IQSEC1: variants seen among roughly 807,000 people sequenced by gnomAD.
IQSEC1 encodes IQ motif and SEC7 domain-containing protein 1.
Under a neutral mutation model 91.0 loss-of-function variants are expected in IQSEC1, and 31 were observed. The observed-to-expected ratio is 0.34, with a 90% CI of 0.26 to 0.46. The LOEUF is 0.46. IQSEC1 is among the 20% of genes least tolerant of loss of function. The probability of loss-of-function intolerance (pLI) is 1.00; values close to 1 mark genes in which losing one functional copy is unlikely to be tolerated. For synonymous variants in IQSEC1, 699 were observed against 662.6 expected, an observed-to-expected ratio of 1.05 and a Z score of -0.84; for missense variants, 1,388 against 1,575.6, an observed-to-expected ratio of 0.88 and a Z score of 2.02.
chr3:13,146,279 G>A (rs982980279), intron 2 of IQSEC1, among the ~76,000 whole-genome samples: 6 of 152,040 alleles, frequency 3.9e-5, no homozygotes, highest in Admixed American at 2.0e-4. Context: ...GAGCCACCGC[G>A]TCTGGCCAGT....
intron 1 of IQSEC1, among the ~76,000 whole-genome samples, chr3:13,180,779 C>T (rs920696970): frequency 6.8e-6 from 1 of 146,746 alleles, no homozygotes; most frequent in Non-Finnish European, 1.5e-5. Flanking sequence ...TAACACTCAT[C>T]GCAAAGGTCT....
intron 1 of IQSEC1, among the ~76,000 whole-genome samples, chr3:13,043,083 T>C (rs1053479748): frequency 2.6e-5 from 4 of 152,068 alleles, no homozygotes; most frequent in African/African-American, 9.7e-5. Context: ...GGGGACACAT[T>C]GATAAAATCT....
At chr3:13,112,285 G>A (rs1706259534) in intron 2 of IQSEC1, among the ~76,000 whole-genome samples, 1 of 152,210 alleles carries the variant, frequency 6.6e-6, no homozygotes, top group Non-Finnish European at 1.5e-5. Context: ...CAGTGGACAG[G>A]GCAGCAAGCG....
intron 1 of IQSEC1, among the ~76,000 whole-genome samples, chr3:13,049,026 T>C (rs1704595797): frequency 6.6e-6 from 1 of 152,180 alleles, no homozygotes. Context: ...CTTCCTGGAC[T>C]GGTCACAGTC....
chr3:13,151,374 A>G (rs569409277), intron 2 of IQSEC1, among the ~76,000 whole-genome samples: 1 of 152,304 alleles, frequency 6.6e-6, no homozygotes, highest in Admixed American at 6.5e-5. Context: ...TGAGTGATTC[A>G]TCATTCAGGG....
intron 1 of IQSEC1, among the ~76,000 whole-genome samples, chr3:13,252,944 G>T (rs1336562373): frequency 6.6e-6 from 1 of 152,180 alleles, no homozygotes; most frequent in Non-Finnish European, 1.5e-5. Context: ...TTGTTAGCCA[G>T]GATGGTCTCG....
chr3:12,955,673 G>C (rs1699856300), intron 1 of IQSEC1, among the ~76,000 whole-genome samples: 1 of 152,244 alleles, frequency 6.6e-6, no homozygotes, highest in Non-Finnish European at 1.5e-5. Flanking sequence ...GCCAACCCCA[G>C]GACAGGCAGC....
At chr3:13,195,997 C>A (rs1694117484) in intron 1 of IQSEC1, among the ~76,000 whole-genome samples, 1 of 152,200 alleles carries the variant, frequency 6.6e-6, no homozygotes, top group Admixed American at 6.5e-5. Context: ...CTACAATGGT[C>A]TCTGAATAGA....
At chr3:13,066,614 G>A (rs1294318519) in intron 1 of IQSEC1, among the ~76,000 whole-genome samples, 1 of 152,228 alleles carries the variant, frequency 6.6e-6, no homozygotes, top group Non-Finnish European at 1.5e-5. Context: ...GTGGGATCGT[G>A]GGAGGCCAGG....
intron 1 of IQSEC1, among the ~76,000 whole-genome samples, chr3:13,164,154 G>A (rs1242584322): frequency 6.6e-6 from 1 of 152,186 alleles, no homozygotes; most frequent in Non-Finnish European, 1.5e-5. Context: ...AAGAGCACAC[G>A]CTTAGAGCCC....
At chr3:13,209,437 G>A (rs1183700088) in intron 1 of IQSEC1, among the ~76,000 whole-genome samples, 3 of 152,204 alleles carry the variant, frequency 2.0e-5, no homozygotes, top group Non-Finnish European at 2.9e-5. Context: ...CACAGCTGCA[G>A]AATCATTCCC....
intron 1 of IQSEC1, chr3:13,015,828 C>A: frequency 1.9e-6 from 1 of 533,332 alleles, no homozygotes; most frequent in Non-Finnish European, 2.4e-6. Flanking sequence ...CTGGCAAACC[C>A]AAATGGCTTC....
At chr3:13,065,886 T>C (rs909461344) in intron 1 of IQSEC1, among the ~76,000 whole-genome samples, 1 of 152,210 alleles carries the variant, frequency 6.6e-6, no homozygotes, top group Non-Finnish European at 1.5e-5. Flanking sequence ...ATCCGCACAA[T>C]GGAACAGTGT....
At chr3:13,232,672 A>G (rs1382390268) in intron 1 of IQSEC1, among the ~76,000 whole-genome samples, 1 of 152,226 alleles carries the variant, frequency 6.6e-6, no homozygotes, top group Non-Finnish European at 1.5e-5. Flanking sequence ...CTCATGGGCT[A>G]CACAGACTTG....
intron 1 of IQSEC1, among the ~76,000 whole-genome samples, chr3:13,265,812 C>T (rs1330420767): frequency 6.6e-6 from 1 of 150,970 alleles, no homozygotes. Context: ...CTCCTACTGG[C>T]TACCACAGAG....
intron 1 of IQSEC1, among the ~76,000 whole-genome samples, chr3:12,976,963 A>G (rs112034310): frequency 3.6e-4 from 55 of 152,334 alleles, no homozygotes; most frequent in African/African-American, 1.3e-3. Flanking sequence ...ATGGTTTTTC[A>G]AAATCACTGA....
At position 13,100,505 on chromosome 3, in the gene IQSEC1, T is replaced by A. The variant is rs1559255050; in HGVS notation, c.303-52983A>T. Among the ~76,000 whole-genome samples, 2 of 148,798 alleles carry A rather than the reference T, an allele frequency of 1.3e-5. 1 individual carries two copies. Among genetic ancestry groups the A allele is most frequent in the Non-Finnish European group, 3.0e-5 (2 of 67,178 alleles). ...GGGCTTTCAGCATGGACCAACTTCC[T>A]GAACACCTCCTTGAGCTCCGCCTCT... On this transcript the variant is annotated intron_variant, in intron 2 of 15. Transcript: ENST00000648114.
intron 1 of IQSEC1, among the ~76,000 whole-genome samples, chr3:13,245,381 C>T (rs1402068180): frequency 6.6e-6 from 1 of 152,186 alleles, no homozygotes; most frequent in Non-Finnish European, 1.5e-5. Flanking sequence ...ATTCTCCTGG[C>T]CAAAGCAAGC....
chr3:13,267,313 T>A (rs1209445642), intron 1 of IQSEC1, among the ~76,000 whole-genome samples: 3 of 152,222 alleles, frequency 2.0e-5, no homozygotes, highest in Admixed American at 6.5e-5. Flanking sequence ...TGTCTATTGT[T>A]TATAAGCCAC....
Sources: allele counts gnomAD v4.1 joint callset (sites outside exome capture counted in the v4.1 genomes callset), GRCh38; gene constraint gnomAD v4.1.1; transcripts MANE v1.5; gene names NCBI Gene and HGNC (gene_info 2026-07-23, HGNC 2026-07-21).